The following LRRC4C variants were observed in gnomAD, a reference collection of about 807,000 sequenced individuals.
LRRC4C encodes the protein leucine rich repeat containing 4C, also known as leucine-rich repeat-containing protein 4C.
Under a neutral mutation model 33.6 loss-of-function variants are expected in LRRC4C, and 5 were observed. That is an observed-to-expected ratio of 0.15 (90% CI 0.08 to 0.31). The LOEUF is 0.31. Among genes scored for constraint, LRRC4C ranks in the 10% least tolerant of loss-of-function variants. The probability of loss-of-function intolerance (pLI) is 1.00; values close to 1 mark genes in which losing one functional copy is unlikely to be tolerated. For synonymous variants in LRRC4C, 329 were observed against 302.0 expected, an observed-to-expected ratio of 1.09 and a Z score of -0.93; for missense variants, 560 against 796.7, an observed-to-expected ratio of 0.70 and a Z score of 3.58.
chr11:40,687,859 G>A (rs1945035126), intron 2 of LRRC4C, among the ~76,000 whole-genome samples: 2 of 151,950 alleles, frequency 1.3e-5, no homozygotes, highest in African/African-American at 2.4e-5. Flanking sequence ...TTATTTTCTG[G>A]CATAGAATTA....
intron 3 of LRRC4C, among the ~76,000 whole-genome samples, chr11:40,571,845 G>A (rs1312404079): frequency 6.6e-6 from 1 of 152,128 alleles, no homozygotes; most frequent in Non-Finnish European, 1.5e-5. Context: ...AGAAGAAAAG[G>A]GGAGCTTAGC....
chr11:40,572,788 A>G (rs1958036001), intron 3 of LRRC4C, among the ~76,000 whole-genome samples: 1 of 152,224 alleles, frequency 6.6e-6, no homozygotes, highest in South Asian at 2.1e-4. Flanking sequence ...TGACTTTAGC[A>G]TAAGAGTTTG....
intron 4 of LRRC4C, among the ~76,000 whole-genome samples, chr11:40,270,520 G>A (rs1419672363): frequency 2.0e-5 from 3 of 152,020 alleles, no homozygotes; most frequent in South Asian, 2.1e-4. Context: ...AGGTTTGGAA[G>A]CATTGGGTGA....
chr11:40,884,425 A>G (rs1955334990), intron 2 of LRRC4C, among the ~76,000 whole-genome samples: 1 of 152,112 alleles, frequency 6.6e-6, no homozygotes, highest in African/African-American at 2.4e-5. Flanking sequence ...TTGGGTATAT[A>G]CCTAGTAATG....
rs560573382 is a variant in LRRC4C, at chr11:40,989,317, T to C, written c.-495-55594A>G. Among the ~76,000 whole-genome samples the C allele has an allele frequency of 2.6e-5, 4 of 152,320 alleles. No homozygotes were observed. The South Asian group carries it at 6.2e-4, about 24-fold the overall frequency. On this transcript the variant is annotated intron_variant, in intron 1 of 6. Transcript: ENST00000528697. ...GACTGTTCTGTGTCAGGCACTGTTC[T>C]AGGCACTTTAAAAATGTGAATCCTC...
intron 1 of LRRC4C, among the ~76,000 whole-genome samples, chr11:41,268,166 G>A (rs1449946976): frequency 6.6e-6 from 1 of 152,122 alleles, no homozygotes; most frequent in East Asian, 1.9e-4. Context: ...ACAAAGCAAG[G>A]TTGAGGCCAT....
chr11:40,153,498 G>A (rs906114349), intron 5 of LRRC4C, among the ~76,000 whole-genome samples: 5 of 151,946 alleles, frequency 3.3e-5, no homozygotes, highest in Non-Finnish European at 7.4e-5. Flanking sequence ...ATCAGGGAGG[G>A]ACCAGAGAAA....
intron 3 of LRRC4C, among the ~76,000 whole-genome samples, chr11:40,514,987 T>G (rs1955505256): frequency 6.6e-6 from 1 of 152,126 alleles, no homozygotes; most frequent in Non-Finnish European, 1.5e-5. Flanking sequence ...CCACACCATA[T>G]CTTTCATAAA....
At chr11:40,586,500 T>C (rs1958751692) in intron 3 of LRRC4C, among the ~76,000 whole-genome samples, 1 of 149,596 alleles carries the variant, frequency 6.7e-6, no homozygotes, top group Admixed American at 6.7e-5. Flanking sequence ...TTGTCAATTT[T>C]CTCTTTTGTT....
intron 1 of LRRC4C, among the ~76,000 whole-genome samples, chr11:41,331,471 C>T (rs924388964): frequency 1.2e-4 from 18 of 152,258 alleles, no homozygotes; most frequent in African/African-American, 3.6e-4. Context: ...TGGAAAATCA[C>T]GCCAAGTATT....
At chr11:40,801,548 C>G (rs774510636) in intron 2 of LRRC4C, among the ~76,000 whole-genome samples, 2 of 152,106 alleles carry the variant, frequency 1.3e-5, no homozygotes, top group Non-Finnish European at 2.9e-5. Context: ...TATGCTGTAT[C>G]CTTTGAGTTC....
At chr11:41,233,515 G>T (rs1043478565) in intron 1 of LRRC4C, among the ~76,000 whole-genome samples, 2 of 151,886 alleles carry the variant, frequency 1.3e-5, no homozygotes, top group Non-Finnish European at 2.9e-5. Context: ...AGTTTGAGCA[G>T]GCTTGTATAA....
At chr11:41,067,450 T>C (rs1202106972) in intron 1 of LRRC4C, among the ~76,000 whole-genome samples, 1 of 152,080 alleles carries the variant, frequency 6.6e-6, no homozygotes, top group Non-Finnish European at 1.5e-5. Flanking sequence ...AGACTTAGAC[T>C]CCCACACAAT....
At chr11:41,132,391 A>C (rs1323253285) in intron 1 of LRRC4C, among the ~76,000 whole-genome samples, 1 of 152,146 alleles carries the variant, frequency 6.6e-6, no homozygotes, top group Non-Finnish European at 1.5e-5. Context: ...TATTTTTAAA[A>C]CTTTTAAGTT....
intron 1 of LRRC4C, among the ~76,000 whole-genome samples, chr11:41,395,251 A>G (rs1193586966): frequency 6.6e-6 from 1 of 151,998 alleles, no homozygotes; most frequent in Non-Finnish European, 1.5e-5. Context: ...TACACCAATA[A>G]AAGCTTCTTA....
intron 3 of LRRC4C, among the ~76,000 whole-genome samples, chr11:40,511,735 A>C (rs1955326384): frequency 6.6e-6 from 1 of 152,208 alleles, no homozygotes; most frequent in African/African-American, 2.4e-5. Context: ...ATTGGAGAAG[A>C]GTAATCCAGA....
At chr11:41,029,254 T>C (rs1011128855) in intron 1 of LRRC4C, among the ~76,000 whole-genome samples, 1 of 151,744 alleles carries the variant, frequency 6.6e-6, no homozygotes, top group Non-Finnish European at 1.5e-5. Context: ...CAAAGACTTT[T>C]AAGGTGTGTA....
intron 2 of LRRC4C, among the ~76,000 whole-genome samples, chr11:40,812,194 T>G (rs1951519166): frequency 6.6e-6 from 1 of 152,212 alleles, no homozygotes; most frequent in African/African-American, 2.4e-5. Flanking sequence ...TTTCTATTAT[T>G]AATCCTAATT....
chr11:41,434,581 T>A (rs1418402244), intron 1 of LRRC4C, among the ~76,000 whole-genome samples: 1 of 152,150 alleles, frequency 6.6e-6, no homozygotes, highest in Non-Finnish European at 1.5e-5. Context: ...TTCGTGCACA[T>A]CAAAGTCTGC....
Sources: gnomAD v4.1 joint callset for allele counts (sites outside exome capture counted in the v4.1 genomes callset) on GRCh38, gnomAD v4.1.1 for gene constraint, MANE v1.5 for transcripts, NCBI Gene and HGNC (gene_info 2026-07-23, HGNC 2026-07-21) for gene names.